TNXB: variants seen among roughly 807,000 people sequenced by gnomAD.
TNXB encodes the protein tenascin XB.
Under a neutral mutation model 340.5 loss-of-function variants are expected in TNXB, and 183 were observed. That is an observed-to-expected ratio of 0.54 (90% CI 0.48 to 0.61). The LOEUF is 0.61. Ranked by LOEUF, TNXB falls within the 20% of genes least tolerant of loss-of-function variation. TNXB has a pLI of 0.00. For synonymous variants in TNXB, 2,121 were observed against 2,314.5 expected (o/e 0.92, Z 2.40); for missense variants, 4,613 against 5,446.4 (o/e 0.85, Z 4.82).
Position 32,089,334 on chromosome 6 carries a change from C to T in TNXB, c.2404G>A (p.Ala802Thr), listed in dbSNP as rs754838830. 4 of 1,608,302 alleles carry T rather than the reference C, an allele frequency of 2.5e-6. No individual in the cohort carries two copies. Among genetic ancestry groups the T allele is most frequent in the Non-Finnish European group, 1.7e-6 (2 of 1,178,280 alleles). Residue 802 changes from alanine to threonine, a missense_variant, in exon 5 of 44, where the codon GCC becomes ACC. Ala to Thr is a moderately conservative substitution (Grantham distance 58). This residue lies in a region of TNXB where 4,327 missense variants were observed against 4,859.4 expected (regional missense o/e 0.89). Transcript: ENST00000644971. This position sits in a 1 kb window ranked among gnomAD's most constrained non-coding sequence, Gnocchi z 6.2. ...PPFTARVPSS[A>T]SAYDQRGLAP... is the part of the protein sequence containing the mutation. Reference sequence around the variant, plus strand: ...AGTCCTCTCTGGTCATAGGCTGAGGCAGAGCTTGGAACCCGTGCTGTGAAT... The same window carrying T: ...AGTCCTCTCTGGTCATAGGCTGAGGTAGAGCTTGGAACCCGTGCTGTGAAT...
At chr6:32,101,564 C>T (rs1403613941) in intron 1 of TNXB, among the ~76,000 whole-genome samples, 1 of 150,256 alleles carries the variant, frequency 6.7e-6, no homozygotes, top group African/African-American at 2.5e-5. Flanking sequence ...GCTGGGATTA[C>T]AGGCGTGAGC....
rs145505077 is a variant in TNXB, at chr6:32,057,524, G to A, written c.7825+534C>T. Among the ~76,000 whole-genome samples, 910 of 152,308 alleles carry A rather than the reference G, an allele frequency of 6.0e-3. 12 individuals carry two copies. The highest frequency in any genetic ancestry group is 0.021 in the African/African-American group (873 of 41,552). ...CACGGATGAGCTTCACACAGGCACA[G>A]CTGCTGGGGCCATCTCAGCACAGAC... On this transcript the variant is annotated intron_variant, in intron 22 of 43. Transcript: ENST00000644971.
chr6:32,054,224 T>C (rs1224844928), intron 24 of TNXB, among the ~76,000 whole-genome samples: 1 of 151,902 alleles, frequency 6.6e-6, no homozygotes, highest in Non-Finnish European at 1.5e-5. Flanking sequence ...CACTGTCACC[T>C]CTCACCAGGG....
At chr6:32,102,292 G>A (rs41268896) in intron 1 of TNXB, among the ~76,000 whole-genome samples, 39,168 of 152,020 alleles carry the variant, frequency 0.26, 6,464 homozygotes, top group Middle Eastern at 0.38. Flanking sequence ...CTAAATATCC[G>A]GTGGGAATGA....
chr6:32,067,794 C>G lies in TNXB; in HGVS notation c.6411G>C (p.Gln2137His). ...VQYKDRDGRPQVVRVGGEESE... is the reference protein window; with the variant it reads ...VQYKDRDGRPHVVRVGGEESE... The stretch of plus-strand genomic sequence containing the variant: ...TCTCCTCGCCCCCAACACGCACCAC[C>G]TGGGGCCGCCCGTCCCTGTCCTTGT... Residue 2137 changes from glutamine to histidine, a missense_variant, in exon 18 of 44, where the codon CAG becomes CAC. This residue lies in a region of TNXB where 4,327 missense variants were observed against 4,859.4 expected (regional missense o/e 0.89). Coordinates refer to ENST00000644971, the MANE Select transcript of TNXB (RefSeq NM_001365276.2). The surrounding 1 kb of genome is among the most constrained non-coding windows in gnomAD (Gnocchi z 4.2). The G allele has an allele frequency of 2.5e-6, 4 of 1,613,532 alleles. No individual in the cohort carries two copies. The highest frequency in any genetic ancestry group is 3.4e-6 in the Non-Finnish European group (4 of 1,179,878).
intron 1 of TNXB, among the ~76,000 whole-genome samples, chr6:32,106,089 A>G (rs1780961229): frequency 7.8e-6 from 1 of 128,924 alleles, no homozygotes; most frequent in South Asian, 2.7e-4. Flanking sequence ...GCTCCAAGTC[A>G]GAAGTGTGAT....
rs1345179783 is a variant in TNXB, at chr6:32,045,882, G to A, written c.10606+293C>T. 3.4e-6 allele frequency: 4 copies of A among 1,181,468 alleles called. No individual in the cohort carries two copies. The African/African-American group carries it at 6.2e-5, about 18-fold the overall frequency. The allele number at this position is 1,181,468 out of a possible 1,614,324, so 73.2% of individuals were successfully genotyped here. ...GGACAAGGCCACCCTTCGGGGAGGC[G>A]ACAGCAGCCCCAGCGAGTAATGAGG... On this transcript the variant is annotated intron_variant, in intron 31 of 43. Transcript: ENST00000644971.
At position 32,085,554 on chromosome 6, in the gene TNXB, T is replaced by C. The variant is rs555353776; in HGVS notation, c.3148+196A>G. On this transcript the variant is annotated intron_variant, in intron 7 of 43. Transcript: ENST00000644971. This position sits in a 1 kb window ranked among gnomAD's most constrained non-coding sequence, Gnocchi z 6.4. ...CCCTCTCCCCACCCATCCTTATCAT[T>C]GTTTTAAGATCCCCCTCGATCCATC... Among the ~76,000 whole-genome samples the C allele has an allele frequency of 6.6e-6, 1 of 152,294 alleles. No individual in the cohort carries two copies. The highest frequency in any genetic ancestry group is 1.9e-4 in the East Asian group (1 of 5,182).
In TNXB at chr6:32,070,160, G is replaced by A. The variant is rs1338642718; in HGVS notation, c.5245C>T (p.Arg1749Cys). Residue 1749 changes from arginine (R) to cysteine (C), a missense_variant, in exon 14 of 44, where the codon CGC (arginine) becomes TGC (cysteine). By Grantham distance (180) the Arg-to-Cys change is radical (BLOSUM62 -3). Coordinates refer to ENST00000644971, the MANE Select transcript of TNXB (RefSeq NM_001365276.2). The surrounding 1 kb of genome is among the most constrained non-coding windows in gnomAD (Gnocchi z 6.0). Reference protein sequence around the residue: ...FLLYGLLGKKRHGPLTADGTT... With the variant: ...FLLYGLLGKKCHGPLTADGTT... ...CCGTCGGCAGTGAGAGGGCCATGGC[G>A]CTTCTTGCCCAGGAGGCCATAGAGG... 6 of 1,596,744 alleles carry A rather than the reference G, an allele frequency of 3.8e-6. No homozygotes were observed. The highest frequency in any genetic ancestry group is 5.1e-6 in the Non-Finnish European group (6 of 1,169,600).
In TNXB at chr6:32,081,970, G is replaced by T; in HGVS notation, c.3736+66C>A. 6.7e-7 allele frequency: 1 copy of T among 1,489,410 alleles called. No homozygotes were observed. The highest frequency in any genetic ancestry group is 9.0e-7 in the Non-Finnish European group (1 of 1,106,032). The allele number at this position is 1,489,410 out of a possible 1,614,324, so 92.3% of individuals were successfully genotyped here. A position where few individuals can be genotyped will look rare whatever the true frequency, so the allele number is the denominator to read the frequency against. ...TGCTGGGGGACCCCAGCTGGTTTTG[G>T]GCTGAAGGGAAGTGTGCATGGGGCT... On this transcript the variant is annotated intron_variant, in intron 9 of 43. Coordinates refer to ENST00000644971, the MANE Select transcript of TNXB (RefSeq NM_001365276.2). The surrounding 1 kb of genome is among the most constrained non-coding windows in gnomAD (Gnocchi z 5.1).
At chr6:32,053,335 GA>G (rs1017627545) in intron 25 of TNXB, 52 bp downstream of exon 25, 2 of 1,579,786 alleles carry the variant, frequency 1.3e-6, no homozygotes, top group Admixed American at 3.6e-5. Context: ...CATCACCAGA[GA>G]AAGGGAGACC....
rs1406269925 is a variant in TNXB at position 32,096,422 on chromosome 6, C to T, written c.1431G>A (p.Glu477=). 1 of 1,591,948 alleles carries T rather than the reference C, an allele frequency of 6.3e-7. No individual in the cohort carries two copies. The highest frequency in any genetic ancestry group is 8.5e-7 in the Non-Finnish European group (1 of 1,176,110). The part of the protein sequence containing the change: ...PGDCRGRGRC[E]SGRCMCWPGY... ...CCGGCCAACACATGCAGCGGCCACT[C>T]TCACAGCGGCCCCGGCCACGACAGT... Residue 477 remains glutamate, a synonymous_variant, in exon 3 of 44, where the codon GAG becomes GAA. Coordinates refer to ENST00000644971, the MANE Select transcript of TNXB (RefSeq NM_001365276.2).
In TNXB at chr6:32,084,034, C is replaced by G. The variant is rs1779625485; in HGVS notation, c.3445+379G>C. On this transcript the variant is annotated intron_variant, in intron 8 of 43. Transcript: ENST00000644971. The surrounding 1 kb of genome is among the most constrained non-coding windows in gnomAD (Gnocchi z 5.5). ...GTTATTTGCAAGATAAATATCTAGT[C>G]TCATCACTCTCCCACTTTACCCTTC... Among the ~76,000 whole-genome samples the G allele has an allele frequency of 6.6e-6, 1 of 152,162 alleles. No homozygotes were observed. Among genetic ancestry groups the G allele is most frequent in the Admixed American group, 6.5e-5 (1 of 15,276 alleles).
At chr6:32,048,332 T>G (rs776260811) in intron 29 of TNXB, 31 bp downstream of exon 29, 1 of 1,475,162 alleles carries the variant, frequency 6.8e-7, no homozygotes, top group Admixed American at 2.3e-5. Context: ...GCGAAGGCTC[T>G]GGCCGCGGGA....
chr6:32,065,331 T>C (rs1778280682), intron 18 of TNXB, among the ~76,000 whole-genome samples: 1 of 152,166 alleles, frequency 6.6e-6, no homozygotes, highest in Non-Finnish European at 1.5e-5. Context: ...GACTGTTCCC[T>C]CTACCTAAAT....
Position 32,067,633 on chromosome 6 carries a change from C to A in TNXB, c.6544+28G>T, listed in dbSNP as rs745472802. On this transcript the variant is annotated intron_variant, in intron 18 of 43. Transcript: ENST00000644971. The surrounding 1 kb of genome is among the most constrained non-coding windows in gnomAD (Gnocchi z 4.2). Reference sequence around the variant, plus strand: ...GAGGCTGTACTTTGCTAAGACCCAACCCAGAGGGCTCTGCAGTGCACACTC... The same window carrying A: ...GAGGCTGTACTTTGCTAAGACCCAAACCAGAGGGCTCTGCAGTGCACACTC... 17 of 1,604,076 alleles carry A rather than the reference C, an allele frequency of 1.1e-5. No individual in the cohort carries two copies. The highest frequency in any genetic ancestry group is 3.4e-5 in the Admixed American group (2 of 58,864).
chr6:32,045,940 G>A, intron 31 of TNXB: 1 of 1,274,268 alleles, frequency 7.8e-7, no homozygotes, highest in Non-Finnish European at 9.9e-7. Flanking sequence ...AGTCGGGGCT[G>A]GGAGATTAGA....
rs750321615 is a variant in TNXB at position 32,046,283 on chromosome 6, G to T, written c.10498C>A (p.Arg3500Ser). 1 of 1,606,642 alleles carries T rather than the reference G, an allele frequency of 6.2e-7. No homozygotes were observed. Among genetic ancestry groups the T allele is most frequent in the Non-Finnish European group, 8.5e-7 (1 of 1,178,184 alleles). ...PRAVPVAADQRTVTVEDLEPG... is the reference protein window; with the variant it reads ...PRAVPVAADQSTVTVEDLEPG... ...TCCAGGTCCTCTACGGTGACTGTGC[G>T]CTGGTCTGCGGCCACAGGCACTGCC... The change falls in exon 31 of 44, where the codon CGC becomes AGC. Residue 3500 changes from arginine (R) to serine (S), a missense_variant. By Grantham distance (110) the Arg-to-Ser change is moderately radical. Around this residue, in one of 7 missense-constraint regions of TNXB, gnomAD observed 4,327 missense variants for 4,859.4 expected, o/e 0.89. Transcript: ENST00000644971. This position sits in a 1 kb window ranked among gnomAD's most constrained non-coding sequence, Gnocchi z 6.9.
At chr6:32,042,235 C>T (rs1225825692) in intron 41 of TNXB, 31 bp downstream of exon 41, 50 of 956,074 alleles carry the variant, frequency 5.2e-5, no homozygotes, top group Non-Finnish European at 7.2e-5. Context: ...CATCCCCATC[C>T]GTAGTTCCCC....
Sources: gnomAD v4.1 joint callset for allele counts (sites outside exome capture counted in the v4.1 genomes callset) on GRCh38, gnomAD v4.1.1 for gene constraint, gnomAD v4.1.1 regional missense constraint, Gnocchi (gnomAD v3.1) non-coding constraint, MANE v1.5 for transcripts, NCBI Gene and HGNC (gene_info 2026-07-23, HGNC 2026-07-21) for gene names.